Variants in LRRK1 observed in about 807,000 individuals in gnomAD.
LRRK1 encodes the protein leucine-rich repeat serine/threonine-protein kinase 1.
Under a neutral mutation model 209.1 loss-of-function variants are expected in LRRK1, and 113 were observed. That is an observed-to-expected ratio of 0.54 (90% confidence interval 0.46 to 0.63). LRRK1 has a LOEUF of 0.63. Ranked by LOEUF, LRRK1 falls within the 30% of genes least tolerant of loss-of-function variation. The pLI is 0.00. For missense variants in LRRK1, 2,284 were observed against 2,632.2 expected (o/e 0.87, Z 2.89); for synonymous variants, 1,144 against 1,099.7 (o/e 1.04, Z -0.80).
At chr15:100,945,389 G>GCA (rs1338697447) in intron 2 of LRRK1, among the ~76,000 whole-genome samples, 3 of 150,676 alleles carry the variant, frequency 2.0e-5, no homozygotes, top group Non-Finnish European at 4.4e-5. Flanking sequence ...GTTAGAATAT[G>GCA]CACTTCTCTT....
chr15:101,047,704 CG>C (rs2035162365), intron 21 of LRRK1, among the ~76,000 whole-genome samples: 2 of 150,408 alleles, frequency 1.3e-5, no homozygotes, highest in South Asian at 4.1e-4. Flanking sequence ...GGGCACGGAG[CG>C]GCCCCGCGCA....
At position 101,027,610 on chromosome 15, in the gene LRRK1, G is replaced by A. The variant is rs368690593; in HGVS notation, c.2527-28G>A. ...GGCAGGTGTGCCTTGGGACCTGAGA[G>A]ACCCTGCCTCGCCCAACTGTCCCCC... On this transcript the variant is annotated intron_variant, in intron 18 of 33. Transcript: ENST00000388948. This position sits in a 1 kb window ranked among gnomAD's most constrained non-coding sequence, Gnocchi z 5.1. The A allele has an allele frequency of 6.8e-5, 109 of 1,603,332 alleles. No individual in the cohort carries two copies. The highest frequency in any genetic ancestry group is 9.1e-5 in the Non-Finnish European group (107 of 1,176,246).
Position 101,008,850 on chromosome 15 carries a change from A to G in LRRK1, c.776A>G (p.Lys259Arg). ...TTCCACCACCAGGCTCTCCGTGTGA[A>G]ATGGTCCCATCTCAGACTGCCCTGG... Reference protein sequence around the residue: ...SYPGKTALRVKWSHLRLPWVD... With the variant: ...SYPGKTALRVRWSHLRLPWVD... The change falls in exon 7 of 34, where the codon AAA becomes AGA. Residue 259 changes from lysine to arginine, a missense_variant. Physicochemically the swap from Lys to Arg is conservative, Grantham distance 26. Coordinates refer to ENST00000388948, the MANE Select transcript of LRRK1 (RefSeq NM_024652.6). 6.2e-7 allele frequency: 1 copy of G among 1,613,362 alleles called. No homozygotes were observed. The highest frequency in any genetic ancestry group is 8.5e-7 in the Non-Finnish European group (1 of 1,179,274).
chr15:100,958,593 A>G (rs2042813055), intron 2 of LRRK1, among the ~76,000 whole-genome samples: 1 of 152,254 alleles, frequency 6.6e-6, no homozygotes, highest in Non-Finnish European at 1.5e-5. Flanking sequence ...ATAAGATAGA[A>G]ACCCCAGACT....
At position 101,022,318 on chromosome 15, in the gene LRRK1, T is replaced by G. The variant is rs2033832128; in HGVS notation, c.1853-65T>G. On this transcript the variant is annotated intron_variant, in intron 14 of 33. Coordinates refer to ENST00000388948, the MANE Select transcript of LRRK1 (RefSeq NM_024652.6). The surrounding 1 kb of genome is among the most constrained non-coding windows in gnomAD (Gnocchi z 4.0). ...GAAGGAGTTCCTTCACAACAGGATT[T>G]TGTGTCCTAAGAGATGTGAGCATGT... 1 of 1,465,168 alleles carries G rather than the reference T, an allele frequency of 6.8e-7. No individual in the cohort carries two copies. 90.8% of individuals were successfully genotyped at this position (1,465,168 alleles called of 1,614,324 possible).
chr15:100,973,897 G>C lies in LRRK1; in HGVS notation c.191G>C (p.Arg64Pro), dbSNP rs948639431. The C allele has an allele frequency of 7.9e-7, 1 of 1,270,938 alleles. No individual in the cohort carries two copies. The highest frequency in any genetic ancestry group is 4.2e-5 in the Admixed American group (1 of 23,846). The allele number at this position is 1,270,938 out of a possible 1,614,324, so 78.7% of individuals were successfully genotyped here. The change falls in exon 3 of 34, where the codon CGG becomes CCG. Residue 64 changes from arginine (R) to proline (P), a missense_variant. Around this residue, in one of 6 missense-constraint regions of LRRK1, gnomAD observed 174 missense variants for 133.5 expected, o/e 1.30. Coordinates refer to ENST00000388948, the MANE Select transcript of LRRK1 (RefSeq NM_024652.6). ...GAAGGCATCCGCGCCGCGTACAGGC[G>C]GGGAGACCGCGGCGGCGCCCGGGAC... ...RTEGIRAAYRRGDRGGARDLL... is the reference protein window; with the variant it reads ...RTEGIRAAYRPGDRGGARDLL...
intron 6 of LRRK1, among the ~76,000 whole-genome samples, chr15:101,003,360 A>T (rs1567225518): frequency 6.6e-6 from 1 of 152,222 alleles, no homozygotes; most frequent in Non-Finnish European, 1.5e-5. Flanking sequence ...AACAGGCAAC[A>T]TCTGCTTTCT....
intron 11 of LRRK1, 61 bp downstream of exon 11, chr15:101,014,489 A>G: frequency 1.8e-6 from 2 of 1,138,698 alleles, no homozygotes; most frequent in Non-Finnish European, 1.3e-6. Context: ...ACGGTCGAGC[A>G]GGTCCTCTGA....
At chr15:101,014,683 G>A (rs2033444631) in intron 11 of LRRK1, among the ~76,000 whole-genome samples, 1 of 152,204 alleles carries the variant, frequency 6.6e-6, no homozygotes, top group African/African-American at 2.4e-5. Context: ...TCCTGTTGCG[G>A]TCAGGCCTCT....
Position 101,036,890 on chromosome 15 carries a change from T to A in LRRK1, c.2963+7658T>A, listed in dbSNP as rs566576816. On this transcript the variant is annotated intron_variant, in intron 20 of 33. Coordinates refer to ENST00000388948, the MANE Select transcript of LRRK1 (RefSeq NM_024652.6). ...TTGGCTATAAACAATGTCAGTGGCA[T>A]CTGTGATTTCCTCAGTAATTTAGGG... 1.3e-3 allele frequency among the ~76,000 whole-genome samples: 194 copies of A among 152,386 alleles called. 1 individual carries two copies. The highest frequency in any genetic ancestry group is 4.4e-3 in the African/African-American group (181 of 41,590).
intron 4 of LRRK1, 95 bp from the exon 5 acceptor site, chr15:100,988,539 A>G (rs1194011895): frequency 9.1e-7 from 1 of 1,094,266 alleles, no homozygotes; most frequent in South Asian, 1.2e-5. Context: ...TTATTTAACC[A>G]GTCCATTGCT....
chr15:100,989,941 TG>T (rs1367573995), intron 6 of LRRK1, among the ~76,000 whole-genome samples: 1 of 152,192 alleles, frequency 6.6e-6, no homozygotes, highest in Non-Finnish European at 1.5e-5. Flanking sequence ...AATTTTTATG[TG>T]TTAAATTTTA....
rs1455216844 is a variant in LRRK1 at position 101,021,898 on chromosome 15, G to A, written c.1793G>A (p.Trp598Ter). ...GAGCTGGGGCAGCTGGGCAACCTCTGGCAGCTGGACACTGAAGACCTGACC... is the reference window on the plus strand; with the variant it reads ...GAGCTGGGGCAGCTGGGCAACCTCTAGCAGCTGGACACTGAAGACCTGACC... The part of the protein sequence containing the change: ...PPELGQLGNL[W>*]QLDTEDLTIS... The change falls in exon 14 of 34, where the codon TGG (tryptophan) becomes TAG (stop). Residue 598 changes from tryptophan (W) to a stop codon, truncating the protein, a stop_gained. Transcript: ENST00000388948. LOFTEE classifies it high-confidence loss of function. The A allele has an allele frequency of 6.2e-7, 1 of 1,613,958 alleles. No homozygotes were observed. Among genetic ancestry groups the A allele is most frequent in the Non-Finnish European group, 8.5e-7 (1 of 1,179,974 alleles).
In LRRK1 at chr15:101,074,623, C is replaced by G. The variant is rs1260634343; in HGVS notation, c.*5775C>G. On this transcript the variant is annotated 3_prime_UTR_variant, in exon 34 of 34. Coordinates refer to ENST00000388948, the MANE Select transcript of LRRK1 (RefSeq NM_024652.6). ...AAAACTCCAAAAATTAAATTCCGGCCCTCAAACCCCACAACAGGATTTAAT... is the reference window on the plus strand; with the variant it reads ...AAAACTCCAAAAATTAAATTCCGGCGCTCAAACCCCACAACAGGATTTAAT... 2 of 152,242 alleles carry G rather than the reference C, an allele frequency of 1.3e-5. No individual in the cohort carries two copies. The highest frequency in any genetic ancestry group is 4.8e-5 in the African/African-American group (2 of 41,526). The allele number at this position is 152,242 out of a possible 1,614,324, so 9.4% of individuals were successfully genotyped here. A position where few individuals can be genotyped will look rare whatever the true frequency, so the allele number is the denominator to read the frequency against.
At position 101,071,607 on chromosome 15, in the gene LRRK1, CTT is replaced by C. The variant is rs2036808021; in HGVS notation, c.*2760_*2761del. 2 of 152,292 alleles carry C rather than the reference CTT, an allele frequency of 1.3e-5. No homozygotes were observed. The highest frequency in any genetic ancestry group is 4.8e-5 in the African/African-American group (2 of 41,550). 9.4% of individuals were successfully genotyped at this position (152,292 alleles called of 1,614,324 possible). A position where few individuals can be genotyped will look rare whatever the true frequency, so the allele number is the denominator to read the frequency against. On this transcript the variant is annotated 3_prime_UTR_variant, in exon 34 of 34. Transcript: ENST00000388948. Reference sequence around the variant, plus strand: ...GTTTCACCATGTTGGCCAGGATGGTCTTGAACTCCTGAGCTCAGGTGATCCGC... The same window carrying C: ...GTTTCACCATGTTGGCCAGGATGGTCGAACTCCTGAGCTCAGGTGATCCGC...
At chr15:100,934,165 T>G (rs2042254623) in intron 2 of LRRK1, among the ~76,000 whole-genome samples, 1 of 152,214 alleles carries the variant, frequency 6.6e-6, no homozygotes, top group South Asian at 2.1e-4. Context: ...AAAGCATTAT[T>G]AGGGAAATTT....
At chr15:100,984,353 A>C (rs1025143636) in intron 4 of LRRK1, among the ~76,000 whole-genome samples, 1 of 152,168 alleles carries the variant, frequency 6.6e-6, no homozygotes, top group African/African-American at 2.4e-5. Context: ...GTTGCAATTC[A>C]TTCTTGCTGT....
chr15:100,988,218 G>A (rs1416501835), intron 4 of LRRK1, among the ~76,000 whole-genome samples: 1 of 152,204 alleles, frequency 6.6e-6, no homozygotes, highest in African/African-American at 2.4e-5. Flanking sequence ...TGTTGCCGGG[G>A]TTCGGTATGC....
At chr15:100,937,729 G>A (rs1260742697) in intron 2 of LRRK1, among the ~76,000 whole-genome samples, 1 of 151,460 alleles carries the variant, frequency 6.6e-6, no homozygotes, top group Admixed American at 6.6e-5. Flanking sequence ...TAGAGACGGG[G>A]TTTCACCGTG....
Sources: allele counts gnomAD v4.1 joint callset (sites outside exome capture counted in the v4.1 genomes callset), GRCh38; gene constraint gnomAD v4.1.1; regional missense constraint gnomAD v4.1.1; non-coding constraint Gnocchi (gnomAD v3.1); transcripts MANE v1.5; gene names NCBI Gene and HGNC (gene_info 2026-07-23, HGNC 2026-07-21).